ST6GALNAC3: variants seen among roughly 807,000 people sequenced by gnomAD.
The protein encoded by ST6GALNAC3 is ST6 N-acetylgalactosaminide alpha-2,6-sialyltransferase 3.
Under a neutral mutation model 32.7 loss-of-function variants are expected in ST6GALNAC3, and 25 were observed. The ratio of observed to expected loss-of-function variants is 0.76; its 90% CI spans 0.56 to 1.07. The LOEUF (loss-of-function observed/expected upper bound fraction) is 1.07. Among genes scored for constraint, ST6GALNAC3 ranks in the 50% least tolerant of loss-of-function variants. The probability of loss-of-function intolerance (pLI) is 0.00; values close to 1 mark genes in which losing one functional copy is unlikely to be tolerated. For missense variants in ST6GALNAC3, 355 were observed against 382.4 expected (o/e 0.93, Z 0.60); for synonymous variants, 129 against 133.1 (o/e 0.97, Z 0.21).
At chr1:76,546,622 C>T (rs1252178799) in intron 3 of ST6GALNAC3, among the ~76,000 whole-genome samples, 7 of 152,162 alleles carry the variant, frequency 4.6e-5, no homozygotes, top group African/African-American at 1.7e-4. Flanking sequence ...GTGAATACAC[C>T]TGGGGAAAGA....
chr1:76,196,580 G>T (rs72996565), intron 1 of ST6GALNAC3, among the ~76,000 whole-genome samples: 1 of 151,280 alleles, frequency 6.6e-6, no homozygotes, highest in African/African-American at 2.4e-5. Flanking sequence ...ATTCTCCCAC[G>T]TCAGCCTCTC....
intron 3 of ST6GALNAC3, chr1:76,577,114 G>A: frequency 9.2e-7 from 1 of 1,081,330 alleles, no homozygotes; most frequent in Non-Finnish European, 1.1e-6. Context: ...GGAAATTGTG[G>A]TATGTGGTAT....
chr1:76,563,247 G>T (rs964814001), intron 3 of ST6GALNAC3, among the ~76,000 whole-genome samples: 7 of 152,220 alleles, frequency 4.6e-5, no homozygotes, highest in Non-Finnish European at 8.8e-5. Context: ...GAGACCCGGG[G>T]AAGGGGAGAA....
At chr1:76,350,040 T>A (rs1340042413) in intron 2 of ST6GALNAC3, among the ~76,000 whole-genome samples, 3 of 152,214 alleles carry the variant, frequency 2.0e-5, no homozygotes, top group Admixed American at 2.0e-4. Context: ...TTTTATAATG[T>A]CGCTTAGAAA....
intron 1 of ST6GALNAC3, among the ~76,000 whole-genome samples, chr1:76,285,906 C>T (rs985879481): frequency 1.3e-5 from 2 of 151,978 alleles, no homozygotes; most frequent in Non-Finnish European, 2.9e-5. Context: ...AGACACACAC[C>T]CCCGCGCCCC....
chr1:76,080,006 G>A (rs1571097891), intron 1 of ST6GALNAC3, among the ~76,000 whole-genome samples: 1 of 152,274 alleles, frequency 6.6e-6, no homozygotes, highest in African/African-American at 2.4e-5. Context: ...AGGGAGCCGC[G>A]GCCTTCCAGT....
intron 3 of ST6GALNAC3, among the ~76,000 whole-genome samples, chr1:76,550,792 C>T (rs1268614739): frequency 6.6e-6 from 1 of 151,950 alleles, no homozygotes; most frequent in African/African-American, 2.4e-5. Flanking sequence ...CTCTTGTCAC[C>T]CAGGCTGGAA....
chr1:76,095,559 T>A (rs546510324), intron 1 of ST6GALNAC3, among the ~76,000 whole-genome samples: 15 of 152,290 alleles, frequency 9.8e-5, no homozygotes, highest in African/African-American at 3.1e-4. Flanking sequence ...TCACTTAACC[T>A]CTCTGGGCAT....
At chr1:76,471,128 TCTAC>T (rs1658998786) in intron 3 of ST6GALNAC3, among the ~76,000 whole-genome samples, 1 of 152,152 alleles carries the variant, frequency 6.6e-6, no homozygotes, top group Non-Finnish European at 1.5e-5. Context: ...CTTTCTTCAA[TCTAC>T]CTCTCAATCC....
chr1:76,550,628 C>CTA (rs375712226), intron 3 of ST6GALNAC3, among the ~76,000 whole-genome samples: 13 of 152,268 alleles, frequency 8.5e-5, no homozygotes, highest in African/African-American at 2.9e-4. Flanking sequence ...ATGCCACTGC[C>CTA]TAGCCATGGG....
At chr1:76,355,545 A>G (rs1649367041) in intron 2 of ST6GALNAC3, among the ~76,000 whole-genome samples, 1 of 152,226 alleles carries the variant, frequency 6.6e-6, no homozygotes, top group South Asian at 2.1e-4. Flanking sequence ...TTATGCTGGA[A>G]CAATTATAAA....
chr1:76,436,805 G>T (rs370795912), intron 3 of ST6GALNAC3, among the ~76,000 whole-genome samples: 2 of 152,106 alleles, frequency 1.3e-5, no homozygotes, highest in Non-Finnish European at 2.9e-5. Flanking sequence ...ATTAAGTAGA[G>T]TCCAAACTTA....
chr1:76,246,551 T>G (rs1357386773), intron 1 of ST6GALNAC3, among the ~76,000 whole-genome samples: 1 of 152,090 alleles, frequency 6.6e-6, no homozygotes, highest in East Asian at 1.9e-4. Flanking sequence ...CTGGTACCGA[T>G]TTTTCCTTTC....
intron 1 of ST6GALNAC3, among the ~76,000 whole-genome samples, chr1:76,309,243 A>G (rs1198356301): frequency 6.6e-6 from 1 of 152,140 alleles, no homozygotes. Context: ...CTTTGGAAGC[A>G]TGGTGTGTCT....
At chr1:76,465,016 A>G (rs897293580) in intron 3 of ST6GALNAC3, among the ~76,000 whole-genome samples, 16 of 152,208 alleles carry the variant, frequency 1.1e-4, no homozygotes, top group African/African-American at 3.1e-4. Context: ...CAGGCGTTCT[A>G]TAAATTAAAA....
chr1:76,627,460 C>T lies in ST6GALNAC3; in HGVS notation c.632C>T (p.Ser211Phe), dbSNP rs1479347251. Residue 211 changes from serine (S) to phenylalanine (F), a missense_variant, in exon 4 of 5, where the codon TCT becomes TTT. Coordinates refer to ENST00000328299, the MANE Select transcript of ST6GALNAC3 (RefSeq NM_152996.4). ...KKETGKDRVQSGSYLSTGWFT... is the reference protein window; with the variant it reads ...KKETGKDRVQFGSYLSTGWFT... ...GTTTTCATTTCCCTCAGAGTCCAGT[C>T]TGGCTCATATCTCAGCACAGGGTGG... The T allele has an allele frequency of 6.2e-7, 1 of 1,609,902 alleles. No individual in the cohort carries two copies. The highest frequency in any genetic ancestry group is 1.7e-5 in the Admixed American group (1 of 59,890).
intron 3 of ST6GALNAC3, among the ~76,000 whole-genome samples, chr1:76,441,368 G>T (rs1553198107): frequency 5.3e-5 from 8 of 152,082 alleles, no homozygotes; most frequent in Non-Finnish European, 1.2e-4. Flanking sequence ...TTACAATAAG[G>T]CAAGTGAAGC....
At chr1:76,486,023 G>C (rs1401435629) in intron 3 of ST6GALNAC3, among the ~76,000 whole-genome samples, 2 of 152,204 alleles carry the variant, frequency 1.3e-5, no homozygotes, top group African/African-American at 4.8e-5. Context: ...TTTCCATGTA[G>C]TTGAGCAGTT....
intron 1 of ST6GALNAC3, among the ~76,000 whole-genome samples, chr1:76,147,258 TC>T (rs1468297939): frequency 1.3e-5 from 2 of 152,096 alleles, no homozygotes; most frequent in East Asian, 3.9e-4. Flanking sequence ...AGACAGGGTT[TC>T]CCCATGTTGG....
Sources: allele counts gnomAD v4.1 joint callset (sites outside exome capture counted in the v4.1 genomes callset), GRCh38; gene constraint gnomAD v4.1.1; transcripts MANE v1.5; gene names NCBI Gene and HGNC (gene_info 2026-07-23, HGNC 2026-07-21).